TECR: variants seen among roughly 807,000 people sequenced by gnomAD.
TECR encodes trans-2,3-enoyl-CoA reductase.
Under a neutral mutation model 50.6 loss-of-function variants are expected in TECR, and 19 were observed. That is an observed-to-expected ratio of 0.38 (90% confidence interval 0.26 to 0.55). The LOEUF (loss-of-function observed/expected upper bound fraction) is 0.55. Among genes scored for constraint, TECR ranks in the 20% least tolerant of loss-of-function variants. The pLI, the probability that TECR is intolerant of heterozygous loss-of-function variation, is 0.79. For missense variants in TECR, 313 were observed against 408.3 expected, an observed-to-expected ratio of 0.77 and a Z score of 2.01; for synonymous variants, 168 against 163.5, an observed-to-expected ratio of 1.03 and a Z score of -0.21.
intron 6 of TECR, 25 bp from the exon 7 acceptor site, chr19:14,564,157 A>C: frequency 6.2e-7 from 1 of 1,606,358 alleles, no homozygotes. Context: ...GACCAGCCCC[A>C]GCTGAGCCTG....
intron 1 of TECR, among the ~76,000 whole-genome samples, chr19:14,535,551 T>A (rs1271119966): frequency 4.2e-4 from 3 of 7,226 alleles, no homozygotes; most frequent in African/African-American, 5.5e-4. Context: ...AAAATATATA[T>A]ATATATATAT....
At chr19:14,554,514 T>C (rs1351693157) in intron 1 of TECR, among the ~76,000 whole-genome samples, 2 of 152,144 alleles carry the variant, frequency 1.3e-5, no homozygotes, top group Admixed American at 6.5e-5. Flanking sequence ...GGGAGAGGAC[T>C]GGGAAGCACC....
intron 1 of TECR, chr19:14,530,150 T>A (rs2072574493): frequency 4.9e-6 from 1 of 203,254 alleles, no homozygotes; most frequent in Admixed American, 5.3e-5. Context: ...TTTGGACCCC[T>A]TCCCTCGCCC....
Position 14,563,843 on chromosome 19 carries a change from C to T in TECR, c.207C>T (p.Pro69=), listed in dbSNP as rs201634024. Residue 69 remains proline (P), a synonymous_variant, in exon 5 of 13, where the codon CCC becomes CCT. Transcript: ENST00000215567. This position sits in a 1 kb window ranked among gnomAD's most constrained non-coding sequence, Gnocchi z 5.3. The part of the protein sequence containing the change: ...LKDEDVLQKL[P]VGTTATLYFR... ...ATGAGGATGTTCTGCAGAAGCTGCCCGTGGGCACCACGGCCACACTGTACT... is the reference window on the plus strand; with the variant it reads ...ATGAGGATGTTCTGCAGAAGCTGCCTGTGGGCACCACGGCCACACTGTACT... 51 of 1,613,942 alleles carry T rather than the reference C, an allele frequency of 3.2e-5. No individual in the cohort carries two copies. The African/African-American group carries it at 3.9e-4, about 12-fold the overall frequency.
intron 1 of TECR, among the ~76,000 whole-genome samples, chr19:14,550,597 G>C (rs1240094278): frequency 6.6e-6 from 1 of 152,172 alleles, no homozygotes; most frequent in Non-Finnish European, 1.5e-5. Context: ...ATCCCCTGGG[G>C]GTCTGGGACC....
At position 14,542,347 on chromosome 19, in the gene TECR, G is replaced by GGGTTTTTTT. The variant is rs2073124658; in HGVS notation, c.15+12636_15+12637insGGTTTTTTT. Among the ~76,000 whole-genome samples, 331 of 43,302 alleles carry GGGTTTTTTT rather than the reference G, an allele frequency of 7.6e-3. 5 individuals carry two copies. Among genetic ancestry groups the GGGTTTTTTT allele is most frequent in the African/African-American group, 0.026 (321 of 12,326 alleles). 28.4% of individuals were successfully genotyped at this position (43,302 alleles called of 152,430 possible). A position where few individuals can be genotyped will look rare whatever the true frequency, so the allele number is the denominator to read the frequency against. ...CCTCAGGGGGCCCTCATGCCATAGTGTTTTTTTTTTTTTTTTTTTTTTTTT... is the reference window on the plus strand; with the variant it reads ...CCTCAGGGGGCCCTCATGCCATAGTGGGTTTTTTTTTTTTTTTTTTTTTTTTTTTTTTTT... On this transcript the variant is annotated intron_variant, in intron 1 of 12. Transcript: ENST00000215567.
At chr19:14,538,056 T>C (rs1313376574) in intron 1 of TECR, among the ~76,000 whole-genome samples, 1 of 152,182 alleles carries the variant, frequency 6.6e-6, no homozygotes, top group Non-Finnish European at 1.5e-5. Flanking sequence ...TGTGAGTGCT[T>C]CTTATCTAGT....
At chr19:14,555,675 A>C (rs1395862772) in intron 1 of TECR, among the ~76,000 whole-genome samples, 1 of 151,968 alleles carries the variant, frequency 6.6e-6, no homozygotes, top group African/African-American at 2.4e-5. Context: ...TCCTGACCTC[A>C]GGTGATCTGC....
At chr19:14,560,649 G>A (rs1460273303) in intron 1 of TECR, among the ~76,000 whole-genome samples, 1 of 152,200 alleles carries the variant, frequency 6.6e-6, no homozygotes, top group Non-Finnish European at 1.5e-5. Flanking sequence ...TCCCCTAGAG[G>A]CCACAAGGCC....
At position 14,565,847 on chromosome 19, in the gene TECR, G is replaced by T; in HGVS notation, c.903G>T (p.Met301Ile). ...TCCGGGACTACCCGCCCCTGCGCAT[G>T]CCCATCATCCCCTTCCTGCTCTGAG... Reference protein sequence around the residue: ...KEFRDYPPLRMPIIPFLL With the variant: ...KEFRDYPPLRIPIIPFLL Residue 301 changes from methionine (M) to isoleucine (I), a missense_variant, in exon 13 of 13, where the codon ATG becomes ATT. Transcript: ENST00000215567. 3 of 1,596,948 alleles carry T rather than the reference G, an allele frequency of 1.9e-6. No homozygotes were observed. Among genetic ancestry groups the T allele is most frequent in the Non-Finnish European group, 1.7e-6 (2 of 1,173,380 alleles).
At position 14,563,663 on chromosome 19, in the gene TECR, C is replaced by A; in HGVS notation, c.124C>A (p.Gln42Lys). Reference sequence around the variant, plus strand: ...CTGCCCTGTTCTCCCCGCAGATCCGCAGTGGTACCCCGCCCGCCAGTCCCT... The same window carrying A: ...CTGCCCTGTTCTCCCCGCAGATCCGAAGTGGTACCCCGCCCGCCAGTCCCT... ...IKNLFTKTHP[Q>K]WYPARQSLRL... The change falls in exon 4 of 13, where the codon CAG becomes AAG. Residue 42 changes from glutamine to lysine, a missense_variant. Gln to Lys is a moderately conservative substitution (Grantham distance 53). Coordinates refer to ENST00000215567, the MANE Select transcript of TECR (RefSeq NM_138501.6). This position sits in a 1 kb window ranked among gnomAD's most constrained non-coding sequence, Gnocchi z 5.3. The A allele has an allele frequency of 6.2e-7, 1 of 1,611,710 alleles. No homozygotes were observed. Among genetic ancestry groups the A allele is most frequent in the South Asian group, 1.1e-5 (1 of 91,040 alleles).
At chr19:14,550,477 C>T (rs906977364) in intron 1 of TECR, among the ~76,000 whole-genome samples, 3 of 152,066 alleles carry the variant, frequency 2.0e-5, no homozygotes, top group African/African-American at 7.2e-5. Context: ...CCTCTGGCCC[C>T]CTTCCAGCTT....
intron 1 of TECR, among the ~76,000 whole-genome samples, chr19:14,557,844 C>T (rs1027118866): frequency 1.3e-5 from 2 of 152,004 alleles, no homozygotes; most frequent in African/African-American, 4.8e-5. Flanking sequence ...CAAGCTCTGC[C>T]TCCCGGGTTC....
At chr19:14,551,072 AT>A (rs1163481758) in intron 1 of TECR, among the ~76,000 whole-genome samples, 3 of 148,410 alleles carry the variant, frequency 2.0e-5, no homozygotes, top group Admixed American at 6.8e-5. Context: ...CAAAGACACT[AT>A]TTTTTTTTCT....
rs772211952 is a variant in TECR at position 14,529,607 on chromosome 19, C to T, written c.-90C>T. ...ACGCAGAGCCGCGTTTAGTCTATCG[C>T]TGCGGTTGCGAGCGCTGTAGGGAGC... On this transcript the variant is annotated 5_prime_UTR_variant, in exon 1 of 13. Coordinates refer to ENST00000215567, the MANE Select transcript of TECR (RefSeq NM_138501.6). 3.8e-6 allele frequency: 6 copies of T among 1,598,882 alleles called. No homozygotes were observed. The African/African-American group carries it at 5.4e-5, about 14-fold the overall frequency.
chr19:14,537,894 C>T (rs2072960411), intron 1 of TECR, among the ~76,000 whole-genome samples: 1 of 151,868 alleles, frequency 6.6e-6, no homozygotes, highest in Admixed American at 6.6e-5. Flanking sequence ...TACAGGTGCC[C>T]ACCACCACAC....
At chr19:14,534,300 AT>A (rs35331094) in intron 1 of TECR, among the ~76,000 whole-genome samples, 49,062 of 142,762 alleles carry the variant, frequency 0.34, 8,678 homozygotes, top group Middle Eastern at 0.47. Flanking sequence ...AATTTTTTGT[AT>A]TTTTAGTAGA....
In TECR at chr19:14,546,843, C is replaced by T. The variant is rs548783308; in HGVS notation, c.16-15682C>T. ...TAGCTGGGACTACAGGTGCACACCA[C>T]TACGCCCAGCTAACTTTAGTATTTT... is the stretch of plus-strand genomic sequence containing the variant. On this transcript the variant is annotated intron_variant, in intron 1 of 12. Transcript: ENST00000215567. 2.6e-5 allele frequency among the ~76,000 whole-genome samples: 4 copies of T among 152,312 alleles called. No individual in the cohort carries two copies. The East Asian group carries it at 7.7e-4, about 29-fold the overall frequency.
At chr19:14,560,125 C>G (rs1004132898) in intron 1 of TECR, among the ~76,000 whole-genome samples, 23 of 152,216 alleles carry the variant, frequency 1.5e-4, no homozygotes, top group African/African-American at 4.3e-4. Context: ...CTCGCTACCC[C>G]CTCCTGCCGC....
Sources: allele counts gnomAD v4.1 joint callset (sites outside exome capture counted in the v4.1 genomes callset), GRCh38; gene constraint gnomAD v4.1.1; non-coding constraint Gnocchi (gnomAD v3.1); transcripts MANE v1.5; gene names NCBI Gene and HGNC (gene_info 2026-07-23, HGNC 2026-07-21).